GRIN2A: variants seen among roughly 807,000 people sequenced by gnomAD.
The protein encoded by GRIN2A is glutamate receptor ionotropic, NMDA 2A.
GRIN2A carries 22 observed loss-of-function variants against 113.4 expected under a neutral mutation model. The ratio of observed to expected loss-of-function variants is 0.19; its 90% CI spans 0.14 to 0.28. GRIN2A has a LOEUF of 0.28. Ranked by LOEUF, GRIN2A falls within the 10% of genes least tolerant of loss-of-function variation. The pLI is 1.00. For synonymous variants in GRIN2A, 827 were observed against 738.4 expected (o/e 1.12, Z -1.94); for missense variants, 1,502 against 1,887.0 (o/e 0.80, Z 3.78).
At chr16:9,875,527 T>C (rs901720326) in intron 4 of GRIN2A, among the ~76,000 whole-genome samples, 1 of 152,136 alleles carries the variant, frequency 6.6e-6, no homozygotes, top group Admixed American at 6.5e-5. Flanking sequence ...CAGCTCTCTG[T>C]TCTGTCCATT....
At chr16:9,835,121 C>A (rs1203303724) in intron 7 of GRIN2A, among the ~76,000 whole-genome samples, 1 of 152,162 alleles carries the variant, frequency 6.6e-6, no homozygotes, top group African/African-American at 2.4e-5. Flanking sequence ...TCCATTTCAC[C>A]TTTTGCCTCA....
At chr16:9,976,216 T>C (rs557510665) in intron 2 of GRIN2A, among the ~76,000 whole-genome samples, 1 of 152,202 alleles carries the variant, frequency 6.6e-6, no homozygotes. Flanking sequence ...AAGCAAACCA[T>C]ATCATTAAAT....
At chr16:10,144,931 A>AAG (rs1204731217) in intron 2 of GRIN2A, among the ~76,000 whole-genome samples, 2 of 150,320 alleles carry the variant, frequency 1.3e-5, no homozygotes, top group Admixed American at 6.6e-5. Flanking sequence ...AAAAAAAAAA[A>AAG]AAAAAAAAAG....
intron 2 of GRIN2A, among the ~76,000 whole-genome samples, chr16:10,051,700 C>T (rs964267515): frequency 1.3e-5 from 2 of 152,088 alleles, no homozygotes; most frequent in African/African-American, 4.8e-5. Flanking sequence ...TGTACAAGAG[C>T]AAGGAGGTAG....
chr16:10,146,400 C>G (rs1434819533), intron 2 of GRIN2A, among the ~76,000 whole-genome samples: 1 of 152,118 alleles, frequency 6.6e-6, no homozygotes, highest in East Asian at 1.9e-4. Flanking sequence ...CCACCACGCC[C>G]AGCCCATTCA....
In GRIN2A at chr16:10,087,075, T is replaced by C. The variant is rs1323660872; in HGVS notation, c.414+92923A>G. ...TAACAATGGAAGTCGATGAATGCAG[T>C]GGCTAAAGCTGTAGGCTCGAGAGTC... On this transcript the variant is annotated intron_variant, in intron 2 of 12. Coordinates refer to ENST00000330684, the MANE Select transcript of GRIN2A (RefSeq NM_001134407.3). Among the ~76,000 whole-genome samples the C allele has an allele frequency of 2.0e-5, 3 of 152,198 alleles. No individual in the cohort carries two copies. In the East Asian group the frequency reaches 5.8e-4, roughly 29 times the overall value.
chr16:9,847,178 G>A (rs2042787345), intron 5 of GRIN2A, among the ~76,000 whole-genome samples: 1 of 152,116 alleles, frequency 6.6e-6, no homozygotes, highest in Non-Finnish European at 1.5e-5. Context: ...ATAGATCTGG[G>A]ATCTATAAAA....
At chr16:9,921,440 A>G (rs1450393153) in intron 3 of GRIN2A, among the ~76,000 whole-genome samples, 1 of 152,178 alleles carries the variant, frequency 6.6e-6, no homozygotes, top group African/African-American at 2.4e-5. Flanking sequence ...CTAAAGCCAG[A>G]GAGGTCATCT....
chr16:9,820,796 G>A (rs914910791), intron 10 of GRIN2A, among the ~76,000 whole-genome samples: 85 of 152,134 alleles, frequency 5.6e-4, no homozygotes, highest in African/African-American at 1.8e-3. Context: ...CAGTTTGTAC[G>A]AAGCCATAAA....
At chr16:9,995,207 GC>G (rs1377185070) in intron 2 of GRIN2A, among the ~76,000 whole-genome samples, 8 of 152,142 alleles carry the variant, frequency 5.3e-5, no homozygotes, top group African/African-American at 2.4e-5. Flanking sequence ...TAAGAAATCA[GC>G]CCCCTGGAGA....
rs138627862 is a variant in GRIN2A at position 9,796,619 on chromosome 16, T to C, written c.2356+1658A>G. ...TGAAATGTGCATGTGCAGCTAGGCG[T>C]TCCTTTCTGTGCTTCTGCCATGGCC... is the stretch of plus-strand genomic sequence containing the variant. On this transcript the variant is annotated intron_variant, in intron 11 of 12. Transcript: ENST00000330684. 3.6e-3 allele frequency among the ~76,000 whole-genome samples: 553 copies of C among 152,266 alleles called. 3 individuals carry two copies. The highest frequency in any genetic ancestry group is 0.012 in the African/African-American group (510 of 41,546).
At chr16:10,108,228 C>G (rs2048534853) in intron 2 of GRIN2A, among the ~76,000 whole-genome samples, 2 of 152,196 alleles carry the variant, frequency 1.3e-5, no homozygotes, top group Admixed American at 1.3e-4. Flanking sequence ...AGGTGCAAGT[C>G]AAGTCTTACA....
At position 10,179,881 on chromosome 16, in the gene GRIN2A, C is replaced by T. The variant is rs1428601939; in HGVS notation, c.414+117G>A. The T allele has an allele frequency of 5.2e-6, 3 of 578,544 alleles. 1 individual carries two copies. The highest frequency in any genetic ancestry group is 6.3e-6 in the Non-Finnish European group (2 of 316,544). The allele number at this position is 578,544 out of a possible 1,614,324, so 35.8% of individuals were successfully genotyped here. On this transcript the variant is annotated intron_variant, in intron 2 of 12. Transcript: ENST00000330684. ...CCAGGGCCAGTGGCCACGACCCTCC[C>T]ACCCCCACCCCCACTTCACATCAAG...
rs2045335229 is a variant in GRIN2A at position 9,957,490 on chromosome 16, C to G, written c.415-18939G>C. Among the ~76,000 whole-genome samples the G allele has an allele frequency of 1.3e-5, 2 of 152,248 alleles. 1 individual carries two copies. The highest frequency in any genetic ancestry group is 4.1e-4 in the South Asian group (2 of 4,822). On this transcript the variant is annotated intron_variant, in intron 2 of 12. Transcript: ENST00000330684. The stretch of plus-strand genomic sequence containing the variant: ...TTTTTCATGCCTTCCCATGTGAAAC[C>G]CCAATTCACTTTGAAAGACATTACC...
chr16:10,129,061 T>G (rs76670699), intron 2 of GRIN2A, among the ~76,000 whole-genome samples: 2 of 152,118 alleles, frequency 1.3e-5, no homozygotes, highest in Admixed American at 6.5e-5. Flanking sequence ...CTTTTTTTTT[T>G]AAGCACCTAC....
intron 3 of GRIN2A, among the ~76,000 whole-genome samples, chr16:9,931,901 C>T (rs568669138): frequency 5.3e-5 from 8 of 152,272 alleles, no homozygotes; most frequent in African/African-American, 1.9e-4. Flanking sequence ...TTCATAAAAC[C>T]ACAGGCTAAA....
At chr16:9,869,243 G>A (rs2043215197) in intron 4 of GRIN2A, among the ~76,000 whole-genome samples, 1 of 152,142 alleles carries the variant, frequency 6.6e-6, no homozygotes, top group African/African-American at 2.4e-5. Flanking sequence ...GACCAGCCCG[G>A]GCAACATGGC....
intron 2 of GRIN2A, among the ~76,000 whole-genome samples, chr16:10,154,221 C>T (rs928563017): frequency 6.6e-6 from 1 of 152,124 alleles, no homozygotes; most frequent in Non-Finnish European, 1.5e-5. Context: ...ACAAGTGAGG[C>T]GATATGGCGC....
chr16:10,021,766 G>C (rs1650058250), intron 2 of GRIN2A, among the ~76,000 whole-genome samples: 1 of 152,036 alleles, frequency 6.6e-6, no homozygotes, highest in Non-Finnish European at 1.5e-5. Flanking sequence ...GACAGGGTCA[G>C]TGGGGCTGGA....
Sources: gnomAD v4.1 joint callset for allele counts (sites outside exome capture counted in the v4.1 genomes callset) on GRCh38, gnomAD v4.1.1 for gene constraint, MANE v1.5 for transcripts, NCBI Gene and HGNC (gene_info 2026-07-23, HGNC 2026-07-21) for gene names.